Variants in OPA1 observed in about 807,000 individuals in gnomAD.
OPA1 encodes OPA1 mitochondrial dynamin like GTPase.
In OPA1, 59 loss-of-function variants were observed where a neutral mutation model predicts 152.9. That is an observed-to-expected ratio of 0.39 (90% CI 0.31 to 0.48). The LOEUF is 0.48. Ranked by LOEUF, OPA1 falls within the 20% of genes least tolerant of loss-of-function variation. OPA1 has a pLI of 0.96. For synonymous variants in OPA1, 400 were observed against 389.9 expected, an observed-to-expected ratio of 1.03 and a Z score of -0.31; for missense variants, 1,008 against 1,216.8, an observed-to-expected ratio of 0.83 and a Z score of 2.55.
chr3:193,688,823 A>G (rs1721297903), intron 29 of OPA1, among the ~76,000 whole-genome samples: 2 of 152,046 alleles, frequency 1.3e-5, no homozygotes, highest in African/African-American at 4.8e-5. Context: ...CTTGACAAAA[A>G]AAATTGTTTT....
Position 193,643,970 on chromosome 3 carries a change from T to G in OPA1, c.1478-5T>G. 1 of 1,613,624 alleles carries G rather than the reference T, an allele frequency of 6.2e-7. No homozygotes were observed. Among genetic ancestry groups the G allele is most frequent in the Non-Finnish European group, 8.5e-7 (1 of 1,179,698 alleles). The stretch of plus-strand genomic sequence containing the variant: ...TCCACAGTGTCATTTTTTTATTTTT[T>G]TCAGATGGATCTGTGGATGCTGAAC... On this transcript the variant is annotated splice_region_variant and splice_polypyrimidine_tract_variant and intron_variant, in intron 15 of 30. Transcript: ENST00000361510.
intron 21 of OPA1, among the ~76,000 whole-genome samples, chr3:193,653,796 G>A (rs1398535575): frequency 1.3e-5 from 2 of 152,148 alleles, no homozygotes; most frequent in African/African-American, 2.4e-5. Context: ...AGATAAGTGT[G>A]CATGAAAAGA....
chr3:193,657,309 C>T (rs543358155), intron 23 of OPA1, 77 bp downstream of exon 23: 30 of 1,293,248 alleles, frequency 2.3e-5, no homozygotes, highest in Admixed American at 3.5e-5. Flanking sequence ...TCATAGGAGA[C>T]TTTATATGAC....
At chr3:193,614,047 T>C in intron 1 of OPA1, 1 of 505,522 alleles carries the variant, frequency 2.0e-6, no homozygotes, top group Non-Finnish European at 3.9e-6. Context: ...TTTCATTCTC[T>C]TCAGGAAGAA....
chr3:193,649,650 A>G (rs1711904343), intron 21 of OPA1, among the ~76,000 whole-genome samples: 1 of 152,336 alleles, frequency 6.6e-6, no homozygotes, highest in Middle Eastern at 3.4e-3. Context: ...AAGGTTATCA[A>G]AAGTGAGCCT....
Position 193,648,114 on chromosome 3 carries a change from C to G in OPA1, c.1915C>G (p.Arg639Gly), listed in dbSNP as rs760300107. 8.7e-6 allele frequency: 14 copies of G among 1,612,940 alleles called. No homozygotes were observed. The highest frequency in any genetic ancestry group is 7.6e-6 in the Non-Finnish European group (9 of 1,178,970). Residue 639 changes from arginine to glycine, a missense_variant, in exon 20 of 31, where the codon CGC becomes GGC. By Grantham distance (125) the Arg-to-Gly change is moderately radical. Around this residue, in one of 7 missense-constraint regions of OPA1, gnomAD observed 229 missense variants for 269.0 expected, o/e 0.85. Coordinates refer to ENST00000361510, the MANE Select transcript of OPA1 (RefSeq NM_130837.3). ...AACTGAATGGAAGAATAACTATCCT[C>G]GCCTGCGGGAACTTGACCGGGTAAT... ...LETEWKNNYP[R>G]LRELDRNELF...
At chr3:193,637,366 A>G in intron 10 of OPA1, 85 bp downstream of exon 10, 1 of 792,112 alleles carries the variant, frequency 1.3e-6, no homozygotes, top group East Asian at 2.5e-5. Flanking sequence ...ATATATGTAC[A>G]CATACACATA....
At chr3:193,614,696 T>C (rs1274714543) in intron 1 of OPA1, 27 bp from the exon 2 acceptor site, 2 of 1,546,594 alleles carry the variant, frequency 1.3e-6, no homozygotes. Flanking sequence ...CTCTCTGATC[T>C]TTCTTCCATA....
intron 1 of OPA1, among the ~76,000 whole-genome samples, chr3:193,602,807 C>CT (rs1174484761): frequency 6.6e-6 from 1 of 152,192 alleles, no homozygotes; most frequent in Non-Finnish European, 1.5e-5. Context: ...ATGAGTTCCT[C>CT]TATCACTGGA....
Position 193,666,384 on chromosome 3 carries a change from C to T in OPA1, c.2867C>T (p.Thr956Ile), listed in dbSNP as rs1336102265. 1.2e-6 allele frequency: 2 copies of T among 1,612,538 alleles called. No homozygotes were observed. The highest frequency in any genetic ancestry group is 1.7e-5 in the Admixed American group (1 of 60,016). ...ANTLRQQLTN[T>I]EVRRLEKNVK... ...ACTTTAAGGCAACAACTTACAAATA[C>T]TGAAGGTAAGCCACATAGGGACTGC... The change falls in exon 28 of 31, where the codon ACT (threonine) becomes ATT (isoleucine). Residue 956 changes from threonine to isoleucine, a missense_variant. Transcript: ENST00000361510.
intron 21 of OPA1, among the ~76,000 whole-genome samples, chr3:193,652,081 A>G (rs1372780679): frequency 1.3e-5 from 2 of 152,200 alleles, no homozygotes; most frequent in African/African-American, 4.8e-5. Flanking sequence ...GAAGTCACCT[A>G]TAATAACACA....
chr3:193,606,163 A>G (rs556352567), intron 1 of OPA1, among the ~76,000 whole-genome samples: 2 of 152,244 alleles, frequency 1.3e-5, no homozygotes, highest in South Asian at 2.1e-4. Flanking sequence ...GTTGTTTGCA[A>G]TACAGGCAGA....
rs923926216 is a variant in OPA1, at chr3:193,695,783, A to G, written c.*1183A>G. 6.6e-6 allele frequency: 1 copy of G among 152,172 alleles called. No homozygotes were observed. Among genetic ancestry groups the G allele is most frequent in the African/African-American group, 2.4e-5 (1 of 41,450 alleles). 9.4% of individuals were successfully genotyped at this position (152,172 alleles called of 1,614,324 possible). The stretch of plus-strand genomic sequence containing the variant: ...GATGTTTTTGATTTTACAGTTTGCT[A>G]AATCTTATTTTCTTGGAGTTGCTTT... On this transcript the variant is annotated 3_prime_UTR_variant, in exon 31 of 31. Coordinates refer to ENST00000361510, the MANE Select transcript of OPA1 (RefSeq NM_130837.3).
At position 193,697,041 on chromosome 3, in the gene OPA1, C is replaced by G. The variant is rs1028928736; in HGVS notation, c.*2441C>G. The G allele has an allele frequency of 1.3e-5, 2 of 152,132 alleles. No homozygotes were observed. The highest frequency in any genetic ancestry group is 1.3e-4 in the Admixed American group (2 of 15,280). The allele number at this position is 152,132 out of a possible 1,614,324, so 9.4% of individuals were successfully genotyped here. The stretch of plus-strand genomic sequence containing the variant: ...CTGCAAATTATTCAGCCTCCAAATG[C>G]AAATGAATGATATAAAAATAAGTAG... On this transcript the variant is annotated 3_prime_UTR_variant, in exon 31 of 31. Coordinates refer to ENST00000361510, the MANE Select transcript of OPA1 (RefSeq NM_130837.3).
intron 1 of OPA1, among the ~76,000 whole-genome samples, chr3:193,594,859 C>T (rs554733880): frequency 1.3e-5 from 2 of 152,258 alleles, no homozygotes; most frequent in East Asian, 3.9e-4. Context: ...ATTTACAACC[C>T]TTGCATTTCT....
chr3:193,619,050 C>T, intron 6 of OPA1, 114 bp downstream of exon 6: 1 of 829,872 alleles, frequency 1.2e-6, no homozygotes, highest in Non-Finnish European at 2.1e-6. Flanking sequence ...CAAAAACATC[C>T]AAGTAGAGAT....
chr3:193,629,927 C>G (rs553419019), intron 7 of OPA1, among the ~76,000 whole-genome samples: 1 of 152,244 alleles, frequency 6.6e-6, no homozygotes, highest in African/African-American at 2.4e-5. Flanking sequence ...ACAATTTATA[C>G]TAATACAGTT....
chr3:193,593,978 G>C (rs1203739361), intron 1 of OPA1, among the ~76,000 whole-genome samples: 1 of 152,140 alleles, frequency 6.6e-6, no homozygotes, highest in East Asian at 1.9e-4. Flanking sequence ...GGTGATTCGA[G>C]ATGCCCTTTC....
Position 193,644,045 on chromosome 3 carries a change from A to T in OPA1, c.1548A>T (p.Arg516Ser), listed in dbSNP as rs1734172581. 6.2e-7 allele frequency: 1 copy of T among 1,613,882 alleles called. No individual in the cohort carries two copies. Among genetic ancestry groups the T allele is most frequent in the Non-Finnish European group, 8.5e-7 (1 of 1,179,842 alleles). Residue 516 changes from arginine (R) to serine (S), a missense_variant, in exon 16 of 31, where the codon AGA becomes AGT. By Grantham distance (110) the Arg-to-Ser change is moderately radical. Transcript: ENST00000361510. ...LVSQMDPHGR[R>S]TIFVLTKVDL... The stretch of plus-strand genomic sequence containing the variant: ...GTCAAATGGACCCTCATGGAAGGAG[A>T]ACCATATTCGTTTTGACCAAAGTAG...
Sources: allele counts gnomAD v4.1 joint callset (sites outside exome capture counted in the v4.1 genomes callset), GRCh38; gene constraint gnomAD v4.1.1; regional missense constraint gnomAD v4.1.1; transcripts MANE v1.5; gene names NCBI Gene and HGNC (gene_info 2026-07-23, HGNC 2026-07-21).